DPYD: variants seen among roughly 807,000 people sequenced by gnomAD.
The protein encoded by DPYD is dihydropyrimidine dehydrogenase [NADP(+)].
In DPYD, 109 loss-of-function variants were observed where a neutral mutation model predicts 116.2. The ratio of observed to expected loss-of-function variants is 0.94; its 90% CI spans 0.80 to 1.10. The LOEUF (loss-of-function observed/expected upper bound fraction) is 1.10, where lower values mean the gene tolerates loss of function less well. DPYD is among the 50% of genes least tolerant of loss of function. DPYD has a pLI of 0.00. For missense variants in DPYD, 1,302 were observed against 1,254.5 expected (o/e 1.04, Z -0.57); for synonymous variants, 440 against 432.0 (o/e 1.02, Z -0.23).
At chr1:97,659,055 C>T (rs564049610) in intron 8 of DPYD, among the ~76,000 whole-genome samples, 1 of 152,120 alleles carries the variant, frequency 6.6e-6, no homozygotes, top group Non-Finnish European at 1.5e-5. Flanking sequence ...TGACCCAATA[C>T]ACATCCTCAC....
chr1:97,082,150 G>A (rs1312774312), intron 22 of DPYD, among the ~76,000 whole-genome samples, 180 bp downstream of exon 22: 1 of 152,012 alleles, frequency 6.6e-6, no homozygotes, highest in Non-Finnish European at 1.5e-5. Flanking sequence ...AAAGTTACAA[G>A]TTTCCTTTTA....
chr1:97,261,620 G>A (rs1306555934), intron 18 of DPYD, among the ~76,000 whole-genome samples: 1 of 151,366 alleles, frequency 6.6e-6, no homozygotes, highest in African/African-American at 2.4e-5. Flanking sequence ...GTTTGAGATG[G>A]CAGTTCCAAA....
intron 13 of DPYD, among the ~76,000 whole-genome samples, chr1:97,459,086 G>T (rs115469661): frequency 6.6e-6 from 1 of 151,946 alleles, no homozygotes; most frequent in Non-Finnish European, 1.5e-5. Context: ...TTAAAAATAC[G>T]AGAGACTTGA....
chr1:97,663,304 G>A (rs1197270800), intron 8 of DPYD, among the ~76,000 whole-genome samples: 1 of 152,066 alleles, frequency 6.6e-6, no homozygotes. Context: ...TTATTTTATT[G>A]GGTAATTGTC....
At chr1:97,735,735 T>C (rs1663907347) in intron 4 of DPYD, among the ~76,000 whole-genome samples, 1 of 148,014 alleles carries the variant, frequency 6.8e-6, no homozygotes, top group African/African-American at 2.5e-5. Flanking sequence ...AATAAAACAA[T>C]AAAAGTCTTG....
chr1:97,366,029 G>C (rs190195503), intron 16 of DPYD, among the ~76,000 whole-genome samples: 18 of 152,174 alleles, frequency 1.2e-4, no homozygotes, highest in African/African-American at 1.4e-4. Context: ...GATTTAAACG[G>C]TGTTGCTTTC....
chr1:97,576,739 C>G (rs1203442342), intron 10 of DPYD, among the ~76,000 whole-genome samples: 2 of 152,108 alleles, frequency 1.3e-5, no homozygotes, highest in Non-Finnish European at 2.9e-5. Flanking sequence ...TACATGTATT[C>G]AAATATCTGG....
intron 16 of DPYD, among the ~76,000 whole-genome samples, chr1:97,349,214 C>T (rs1004884719): frequency 2.0e-5 from 3 of 151,792 alleles, no homozygotes; most frequent in African/African-American, 7.3e-5. Context: ...AAAATGTTAA[C>T]CATTTCCTGG....
chr1:97,557,681 C>T (rs1301704077), intron 11 of DPYD, among the ~76,000 whole-genome samples: 1 of 152,120 alleles, frequency 6.6e-6, no homozygotes, highest in African/African-American at 2.4e-5. Flanking sequence ...AATCTTGTTT[C>T]CAAATATATC....
At chr1:97,309,765 C>A (rs796980876) in intron 16 of DPYD, among the ~76,000 whole-genome samples, 2 of 151,822 alleles carry the variant, frequency 1.3e-5, no homozygotes, top group African/African-American at 4.8e-5. Context: ...TTACTTGCTG[C>A]AGTAATGTCC....
intron 5 of DPYD, among the ~76,000 whole-genome samples, chr1:97,700,696 C>A (rs1661549047): frequency 6.6e-6 from 1 of 151,308 alleles, no homozygotes; most frequent in Non-Finnish European, 1.5e-5. Context: ...GAAAAATAAA[C>A]CTAAAAAAAT....
At chr1:97,899,178 T>G in intron 1 of DPYD, among the ~76,000 whole-genome samples, 1 of 151,800 alleles carries the variant, frequency 6.6e-6, no homozygotes, top group Non-Finnish European at 1.5e-5. Context: ...TGATTAATGA[T>G]GAGTATCTGC....
At chr1:97,401,110 T>C (rs564794461) in intron 14 of DPYD, among the ~76,000 whole-genome samples, 4 of 152,298 alleles carry the variant, frequency 2.6e-5, no homozygotes, top group Non-Finnish European at 5.9e-5. Flanking sequence ...CTGTTTATCT[T>C]CTTTGATGAG....
intron 16 of DPYD, among the ~76,000 whole-genome samples, chr1:97,335,214 T>C (rs1017536584): frequency 9.9e-5 from 15 of 151,812 alleles, no homozygotes; most frequent in African/African-American, 3.6e-4. Context: ...TGGCTGCAGT[T>C]TATCTAATCA....
At chr1:97,605,605 A>G (rs1557832469) in intron 8 of DPYD, among the ~76,000 whole-genome samples, 1 of 152,012 alleles carries the variant, frequency 6.6e-6, no homozygotes, top group Non-Finnish European at 1.5e-5. Context: ...GTATTTCTTC[A>G]TAGCAGCGTG....
intron 5 of DPYD, among the ~76,000 whole-genome samples, chr1:97,708,105 G>C (rs903113555): frequency 6.6e-6 from 1 of 151,872 alleles, no homozygotes; most frequent in Non-Finnish European, 1.5e-5. Flanking sequence ...TGAGTAGCCA[G>C]GACTACAGGT....
intron 2 of DPYD, among the ~76,000 whole-genome samples, chr1:97,852,884 C>T (rs1030641700): frequency 2.0e-5 from 3 of 152,292 alleles, no homozygotes; most frequent in Non-Finnish European, 4.4e-5. Flanking sequence ...CTGGAAGCTA[C>T]TTTAGCAAGA....
intron 6 of DPYD, among the ~76,000 whole-genome samples, chr1:97,694,300 CG>C (rs1384501186): frequency 6.6e-6 from 1 of 152,110 alleles, no homozygotes; most frequent in Non-Finnish European, 1.5e-5. Flanking sequence ...AAAAATGTGA[CG>C]TTTTTATATT....
intron 3 of DPYD, among the ~76,000 whole-genome samples, chr1:97,747,636 T>A (rs1407396954): frequency 1.3e-5 from 2 of 152,192 alleles, no homozygotes; most frequent in African/African-American, 2.4e-5. Context: ...ACATAGCATA[T>A]ATGTATGTAG....
Sources: allele counts gnomAD v4.1 joint callset (sites outside exome capture counted in the v4.1 genomes callset), GRCh38; gene constraint gnomAD v4.1.1; transcripts MANE v1.5; gene names NCBI Gene and HGNC (gene_info 2026-07-23, HGNC 2026-07-21).